RALB: variants seen among roughly 807,000 people sequenced by gnomAD.
RALB encodes the protein RAS like proto-oncogene B.
Under a neutral mutation model 21.3 loss-of-function variants are expected in RALB, and 16 were observed. The observed-to-expected ratio is 0.75, with a 90% confidence interval of 0.51 to 1.14. The LOEUF (loss-of-function observed/expected upper bound fraction) is 1.14. RALB is among the 50% of genes most tolerant of loss of function. The pLI, the probability that RALB is intolerant of heterozygous loss-of-function variation, is 0.00. For missense variants in RALB, 161 were observed against 256.2 expected (o/e 0.63, Z 2.54); for synonymous variants, 93 against 96.1 (o/e 0.97, Z 0.19).
upstream of RALB, among the ~76,000 whole-genome samples, chr2:120,252,252 C>G (rs576043064): frequency 1.6e-4 from 25 of 152,242 alleles, no homozygotes; most frequent in South Asian, 2.1e-3. Flanking sequence ...GAGGCTATGG[C>G]TGGGGTGGGA....
rs1689537829 is a variant in RALB, at chr2:120,267,714, G to A, written c.-47-10904G>A. 2.0e-5 allele frequency among the ~76,000 whole-genome samples: 3 copies of A among 152,176 alleles called. No homozygotes were observed. In the South Asian group the frequency reaches 6.2e-4, roughly 32 times the overall value. On this transcript the variant is annotated intron_variant, in intron 1 of 4. Coordinates refer to ENST00000272519, the MANE Select transcript of RALB (RefSeq NM_002881.3). Reference sequence around the variant, plus strand: ...GGGACTTAGGAATGTCAGACTTCTTGATTTTTTTAAGCGATGCCAAAAATT... The same window carrying A: ...GGGACTTAGGAATGTCAGACTTCTTAATTTTTTTAAGCGATGCCAAAAATT...
chr2:120,286,761 C>T (rs1690169975), intron 3 of RALB, among the ~76,000 whole-genome samples: 1 of 152,234 alleles, frequency 6.6e-6, no homozygotes, highest in South Asian at 2.1e-4. Flanking sequence ...CCATTGTCCC[C>T]TGTCACAGTG....
At chr2:120,267,715 A>G in intron 1 of RALB, among the ~76,000 whole-genome samples, 1 of 152,288 alleles carries the variant, frequency 6.6e-6, no homozygotes, top group Admixed American at 6.5e-5. Flanking sequence ...AGACTTCTTG[A>G]TTTTTTTAAG....
intron 1 of RALB, among the ~76,000 whole-genome samples, chr2:120,262,408 G>A (rs1689388153): frequency 6.6e-6 from 1 of 152,182 alleles, no homozygotes; most frequent in South Asian, 2.1e-4. Context: ...TAGAAGAGGT[G>A]GAGGCTCTCG....
chr2:120,268,213 C>T (rs1408116591), intron 1 of RALB, among the ~76,000 whole-genome samples: 1 of 152,206 alleles, frequency 6.6e-6, no homozygotes, highest in African/African-American at 2.4e-5. Context: ...GGAAGAGAGA[C>T]AGAGCCAGCA....
chr2:120,270,881 C>T (rs760303883), intron 1 of RALB, among the ~76,000 whole-genome samples: 21 of 150,548 alleles, frequency 1.4e-4, no homozygotes, highest in Admixed American at 3.3e-4. Context: ...TTGCCAGACT[C>T]AAATATTATG....
chr2:120,290,285 G>A (rs892540598), intron 4 of RALB, among the ~76,000 whole-genome samples: 5 of 152,188 alleles, frequency 3.3e-5, no homozygotes, highest in Admixed American at 6.5e-5. Flanking sequence ...CACCACACCC[G>A]GCGGACTATG....
chr2:120,266,283 C>T (rs1473903021), intron 1 of RALB, among the ~76,000 whole-genome samples: 1 of 152,124 alleles, frequency 6.6e-6, no homozygotes, highest in Non-Finnish European at 1.5e-5. Flanking sequence ...CTTGCTCTGT[C>T]GCCTGGGCTG....
intron 1 of RALB, chr2:120,253,443 C>A: frequency 2.4e-5 from 24 of 985,650 alleles, no homozygotes; most frequent in Non-Finnish European, 2.9e-5. Context: ...CTTCGGTTTG[C>A]TGGTTTTGTT....
upstream of RALB, among the ~76,000 whole-genome samples, chr2:120,247,851 G>C (rs1002694710): frequency 1.3e-5 from 2 of 152,174 alleles, no homozygotes; most frequent in African/African-American, 4.8e-5. Flanking sequence ...CTCCATCCTA[G>C]TGATGTGAAT....
intron 1 of RALB, among the ~76,000 whole-genome samples, chr2:120,259,044 C>T (rs527795005): frequency 5.3e-5 from 8 of 151,852 alleles, no homozygotes; most frequent in South Asian, 2.1e-4. Context: ...TGGAGTTGTT[C>T]GTTCCTCCCG....
At chr2:120,244,404 T>C (rs1431738114) in intron 1 of RALB, among the ~76,000 whole-genome samples, 1 of 152,168 alleles carries the variant, frequency 6.6e-6, no homozygotes, top group Non-Finnish European at 1.5e-5. Flanking sequence ...CAGGGGCTCA[T>C]CATTACCTGC....
chr2:120,267,108 A>G (rs1689523568), intron 1 of RALB, among the ~76,000 whole-genome samples: 1 of 152,252 alleles, frequency 6.6e-6, no homozygotes, highest in Non-Finnish European at 1.5e-5. Context: ...ACAGAGGTAC[A>G]GACCAGAAGC....
At chr2:120,268,496 A>C (rs1689560653) in intron 1 of RALB, among the ~76,000 whole-genome samples, 1 of 152,236 alleles carries the variant, frequency 6.6e-6, no homozygotes, top group African/African-American at 2.4e-5. Context: ...TGAATGGCTA[A>C]TCCGACCAGA....
intron 2 of RALB, among the ~76,000 whole-genome samples, chr2:120,279,690 A>C (rs1341375296): frequency 7.1e-6 from 1 of 140,952 alleles, no homozygotes; most frequent in East Asian, 1.9e-4. Flanking sequence ...CCGAGGGATG[A>C]CTGTAGTACA....
At chr2:120,251,109 G>A (rs2104572070), upstream of RALB, among the ~76,000 whole-genome samples, 1 of 152,306 alleles carries the variant, frequency 6.6e-6, no homozygotes, top group South Asian at 2.1e-4. Context: ...GGGCAGGTGG[G>A]AACAGTAGAA....
intron 1 of RALB, chr2:120,253,464 C>A (rs1342307948): frequency 2.0e-6 from 2 of 985,658 alleles, no homozygotes; most frequent in Non-Finnish European, 2.4e-6. Flanking sequence ...TTGGTCCTGT[C>A]TTGCAAATGA....
upstream of RALB, among the ~76,000 whole-genome samples, chr2:120,250,286 T>G (rs963452890): frequency 6.6e-6 from 1 of 152,226 alleles, no homozygotes; most frequent in Admixed American, 6.5e-5. Flanking sequence ...CATCACAGGT[T>G]GGTAGGGGGC....
intron 1 of RALB, among the ~76,000 whole-genome samples, chr2:120,244,616 TCATC>T (rs60555914): frequency 8.6e-5 from 13 of 151,942 alleles, no homozygotes; most frequent in African/African-American, 2.7e-4. Flanking sequence ...AGCCATTCCC[TCATC>T]CATCCATCCA....
Sources: gnomAD v4.1 joint callset for allele counts (sites outside exome capture counted in the v4.1 genomes callset) on GRCh38, gnomAD v4.1.1 for gene constraint, MANE v1.5 for transcripts, NCBI Gene and HGNC (gene_info 2026-07-23, HGNC 2026-07-21) for gene names.